Variants in BCOR observed in about 807,000 individuals in gnomAD.
The protein encoded by BCOR is BCL6 corepressor.
BCOR carries 10 observed loss-of-function variants against 86.7 expected under a neutral mutation model. That is an observed-to-expected ratio of 0.12 (90% CI 0.07 to 0.20). BCOR has a LOEUF of 0.20. BCOR is among the 10% of genes least tolerant of loss of function. BCOR has a pLI of 1.00. For missense variants in BCOR, 1,259 were observed against 1,452.1 expected (o/e 0.87, Z 2.16); for synonymous variants, 611 against 609.0 (o/e 1.00, Z -0.05).
intron 1 of BCOR, among the ~76,000 whole-genome samples, chrX:40,145,915 T>C (rs1938040114): frequency 9.0e-6 from 1 of 111,522 alleles, no homozygotes; most frequent in Non-Finnish European, 1.9e-5. Flanking sequence ...CGACCGGGCC[T>C]CTGTTGCCCG....
At chrX:40,123,569 G>T (rs1288769969) in intron 1 of BCOR, among the ~76,000 whole-genome samples, 4 of 110,946 alleles carry the variant, frequency 3.6e-5, no homozygotes, top group Non-Finnish European at 5.7e-5. Flanking sequence ...TGTCCAGGCT[G>T]ATATGGAACT....
At chrX:40,143,890 G>A (rs1193774828) in intron 1 of BCOR, among the ~76,000 whole-genome samples, 9 of 112,718 alleles carry the variant, frequency 8.0e-5, no homozygotes, top group Non-Finnish European at 1.7e-4. Flanking sequence ...CCAGGAGGCA[G>A]AGGTTGCAGT....
chrX:40,100,358 G>A (rs1937047510), upstream of BCOR, among the ~76,000 whole-genome samples: 1 of 112,457 alleles, frequency 8.9e-6, no homozygotes, highest in South Asian at 3.7e-4. Flanking sequence ...CGGTTAGGCC[G>A]AACCGCAGAG....
chrX:40,159,323 GCATTT>G (rs1938363973), intron 1 of BCOR, among the ~76,000 whole-genome samples: 1 of 112,325 alleles, frequency 8.9e-6, no homozygotes, highest in Non-Finnish European at 1.9e-5. Context: ...AACTCCCACC[GCATTT>G]CATAAAAGTG....
chrX:40,053,471 A>T (rs184711610), intron 14 of BCOR, among the ~76,000 whole-genome samples: 1 of 111,953 alleles, frequency 8.9e-6, no homozygotes, highest in African/African-American at 3.2e-5. Context: ...GATTGTCCTA[A>T]CCTTACACAA....
chrX:40,057,442 C>T, intron 10 of BCOR, 121 bp from the exon 11 acceptor site: 3 of 760,772 alleles, frequency 3.9e-6, no homozygotes, highest in Non-Finnish European at 5.9e-6. Flanking sequence ...ACCTCTCGGG[C>T]GGGCTGTGGA....
At chrX:40,092,481 G>T (rs1230088911) in intron 1 of BCOR, among the ~76,000 whole-genome samples, 1 of 110,141 alleles carries the variant, frequency 9.1e-6, no homozygotes, top group African/African-American at 3.3e-5. Flanking sequence ...AAAAAGAAAA[G>T]AAAGAAAGCA....
At chrX:40,115,149 AAC>A (rs1937375008) in intron 1 of BCOR, among the ~76,000 whole-genome samples, 1 of 111,145 alleles carries the variant, frequency 9.0e-6, no homozygotes, top group Admixed American at 9.6e-5. Flanking sequence ...ACTGCGCCAA[AAC>A]ACATGGCTAA....
intron 1 of BCOR, chrX:40,146,370 C>G (rs1938055677): frequency 1.8e-5 from 2 of 111,382 alleles, no homozygotes; most frequent in Admixed American, 1.9e-4. Context: ...GCCCGGGGCC[C>G]TGCCGGGGCC....
chrX:40,077,553 T>TTAGA, intron 2 of BCOR: 1 of 344,003 alleles, frequency 2.9e-6, no homozygotes, highest in Non-Finnish European at 5.1e-6. Context: ...CTCCTGACAT[T>TTAGA]TAGAGTTAAA....
chrX:40,125,987 G>A (rs1028323550), intron 1 of BCOR, among the ~76,000 whole-genome samples: 3 of 109,979 alleles, frequency 2.7e-5, no homozygotes, highest in African/African-American at 6.6e-5. Flanking sequence ...CGAGGCGGGC[G>A]GATCACGAGG....
In BCOR at chrX:40,093,551, T is replaced by C. The variant is rs775829284; in HGVS notation, c.-41+3664A>G. 3.6e-5 allele frequency among the ~76,000 whole-genome samples: 4 copies of C among 112,385 alleles called. No individual in the cohort carries two copies. In the East Asian group the frequency reaches 1.1e-3, roughly 31 times the overall value. ...AGACCAATTTAATATTAGCCATATA[T>C]ATACACACACAAACGATGGATCTCA... On this transcript the variant is annotated intron_variant, in intron 1 of 14. Transcript: ENST00000378444.
chrX:40,055,643 G>A lies in BCOR; in HGVS notation c.4596-130C>T, dbSNP rs772438224. Reference sequence around the variant, plus strand: ...TTGGGTACTGAGCCTCCTAAGCACAGTATTTCATCCAGGAGGTGTGCACAG... The same window carrying A: ...TTGGGTACTGAGCCTCCTAAGCACAATATTTCATCCAGGAGGTGTGCACAG... On this transcript the variant is annotated intron_variant, in intron 11 of 14. Transcript: ENST00000378444. 156 of 733,475 alleles carry A rather than the reference G, an allele frequency of 2.1e-4. No homozygotes were observed. The East Asian group carries it at 5.1e-3, about 24-fold the overall frequency. The allele number at this position is 733,475 out of a possible 1,213,427, so 60.4% of individuals were successfully genotyped here. A position where few individuals can be genotyped will look rare whatever the true frequency, so the allele number is the denominator to read the frequency against.
intron 1 of BCOR, among the ~76,000 whole-genome samples, chrX:40,129,544 A>G (rs1937581604): frequency 9.1e-6 from 1 of 110,327 alleles, no homozygotes. Context: ...CCTCAGTGGC[A>G]GGGCTGGGGC....
intron 1 of BCOR, among the ~76,000 whole-genome samples, chrX:40,096,053 G>A (rs1487480356): frequency 8.9e-6 from 1 of 112,476 alleles, no homozygotes; most frequent in East Asian, 2.8e-4. Flanking sequence ...CCGAGTTGGC[G>A]GAGGCTCTGC....
At chrX:40,125,803 G>A (rs897719695) in intron 1 of BCOR, among the ~76,000 whole-genome samples, 3 of 112,160 alleles carry the variant, frequency 2.7e-5, no homozygotes, top group Non-Finnish European at 3.8e-5. Context: ...TAATATGGGG[G>A]TGGGTGAGTT....
chrX:40,141,816 C>T (rs976935819), intron 1 of BCOR, among the ~76,000 whole-genome samples: 2 of 111,617 alleles, frequency 1.8e-5, no homozygotes, highest in Non-Finnish European at 3.8e-5. Flanking sequence ...CGCACTCCCA[C>T]CACTGGGAGG....
intron 1 of BCOR, among the ~76,000 whole-genome samples, chrX:40,172,218 G>C (rs1057129201): frequency 1.8e-5 from 2 of 112,506 alleles, no homozygotes; most frequent in Admixed American, 1.9e-4. Context: ...CCACCTTCGC[G>C]GGAGAGGGGA....
At chrX:40,057,094 C>T (rs760292402) in intron 11 of BCOR, 61 bp downstream of exon 11, 71 of 1,166,175 alleles carry the variant, frequency 6.1e-5, no homozygotes, top group South Asian at 7.3e-5. Flanking sequence ...GAACCACCAC[C>T]GCACAGATAG....
Sources: allele counts gnomAD v4.1 joint callset (sites outside exome capture counted in the v4.1 genomes callset), GRCh38; gene constraint gnomAD v4.1.1; transcripts MANE v1.5; gene names NCBI Gene and HGNC (gene_info 2026-07-23, HGNC 2026-07-21).